The following JAML variants were observed in gnomAD, a reference collection of about 807,000 sequenced individuals.
The protein encoded by JAML is junction adhesion molecule like, also known as junctional adhesion molecule-like.
In JAML, 25 loss-of-function variants were observed where a neutral mutation model predicts 39.3. The observed-to-expected ratio is 0.64, with a 90% CI of 0.46 to 0.89. The LOEUF (loss-of-function observed/expected upper bound fraction) is 0.89. JAML is among the 40% of genes least tolerant of loss of function. The probability of loss-of-function intolerance (pLI) is 0.00; values close to 1 mark genes in which losing one functional copy is unlikely to be tolerated. For synonymous variants in JAML, 162 were observed against 179.2 expected, an observed-to-expected ratio of 0.90 and a Z score of 0.77; for missense variants, 440 against 486.9, an observed-to-expected ratio of 0.90 and a Z score of 0.91.
At chr11:118,203,157 T>A in intron 6 of JAML, 1 of 598,594 alleles carries the variant, frequency 1.7e-6, no homozygotes, top group South Asian at 1.5e-5. Flanking sequence ...TGGCAATGAG[T>A]GGGGTCTGGC....
At chr11:118,205,827 C>T in intron 5 of JAML, 55 bp downstream of exon 5, 1 of 1,516,848 alleles carries the variant, frequency 6.6e-7, no homozygotes, top group Non-Finnish European at 9.2e-7. Flanking sequence ...CTACCTTTGT[C>T]CTGATACCAT....
At chr11:118,211,724 G>A (rs1250788816) in intron 3 of JAML, among the ~76,000 whole-genome samples, 1 of 152,188 alleles carries the variant, frequency 6.6e-6, no homozygotes, top group Non-Finnish European at 1.5e-5. Context: ...TACTTGGGAT[G>A]TTTTTCACAA....
rs1433138805 is a variant in JAML at position 118,210,498 on chromosome 11, T to C, written c.413A>G (p.Glu138Gly). ...AAGCATTTGCGTACCTTTGGGCTCC[T>C]CTGGAAGCACATGCAGTACCACCGC... Reference protein sequence around the residue: ...KKAVVLHVLPEEPKELMVHVG... With the variant: ...KKAVVLHVLPGEPKELMVHVG... Residue 138 changes from glutamate to glycine, a missense_variant, in exon 4 of 10, where the codon GAG becomes GGG. Physicochemically the swap from Glu to Gly is moderately conservative, Grantham distance 98. Transcript: ENST00000356289. 6.2e-7 allele frequency: 1 copy of C among 1,613,998 alleles called. No homozygotes were observed. The highest frequency in any genetic ancestry group is 1.3e-5 in the African/African-American group (1 of 75,034).
intron 6 of JAML, 119 bp from the exon 7 acceptor site, chr11:118,200,731 C>G: frequency 8.7e-7 from 1 of 1,145,926 alleles, no homozygotes; most frequent in Non-Finnish European, 1.3e-6. Context: ...AGGCCAGACT[C>G]CACCCCATAT....
intron 1 of JAML, among the ~76,000 whole-genome samples, chr11:118,219,492 A>T (rs1412438981): frequency 6.6e-6 from 1 of 152,210 alleles, no homozygotes; most frequent in African/African-American, 2.4e-5. Flanking sequence ...AATGACTTCT[A>T]TGGGCACAAT....
intron 5 of JAML, chr11:118,203,937 T>TAA: frequency 5.0e-6 from 2 of 398,080 alleles, no homozygotes; most frequent in Non-Finnish European, 4.6e-6. Context: ...ACCTTTCCAA[T>TAA]AAAAAAAAAG....
chr11:118,195,502 C>T lies in JAML; in HGVS notation c.1093-1085G>A, dbSNP rs150459693. Among the ~76,000 whole-genome samples, 41 of 152,230 alleles carry T rather than the reference C, an allele frequency of 2.7e-4. No individual in the cohort carries two copies. The East Asian group carries it at 3.9e-3, about 14-fold the overall frequency. On this transcript the variant is annotated intron_variant, in intron 9 of 9. Coordinates refer to ENST00000356289, the MANE Select transcript of JAML (RefSeq NM_001098526.2). ...GTGCCTATAATTAGTCTACAAATAGCACCGTGCTCATCGCCAGCTCACTCC... is the reference window on the plus strand; with the variant it reads ...GTGCCTATAATTAGTCTACAAATAGTACCGTGCTCATCGCCAGCTCACTCC...
chr11:118,205,851 C>G (rs745363584), intron 5 of JAML, 31 bp downstream of exon 5: 1 of 1,588,206 alleles, frequency 6.3e-7, no homozygotes, highest in Non-Finnish European at 8.6e-7. Context: ...CCAGAGCCTT[C>G]TCTAACACAG....
intron 6 of JAML, chr11:118,202,046 G>A (rs1051810981): frequency 6.6e-6 from 1 of 152,364 alleles, no homozygotes; most frequent in Non-Finnish European, 1.5e-5. Flanking sequence ...AGAAGGCTGA[G>A]GATGGATAAT....
chr11:118,223,750 T>C (rs960874036), intron 1 of JAML, among the ~76,000 whole-genome samples: 1 of 152,130 alleles, frequency 6.6e-6, no homozygotes, highest in African/African-American at 2.4e-5. Flanking sequence ...CTCCATATCC[T>C]GTTGGGTAAT....
intron 6 of JAML, chr11:118,202,687 C>G (rs1948831587): frequency 3.4e-6 from 1 of 297,956 alleles, no homozygotes; most frequent in Non-Finnish European, 6.7e-6. Flanking sequence ...AGACAAGGTG[C>G]CTCCACAGAC....
rs1949220822 is a variant in JAML, at chr11:118,222,625, G to A, written c.-21+2316C>T. Among the ~76,000 whole-genome samples the A allele has an allele frequency of 6.6e-6, 1 of 152,088 alleles. No homozygotes were observed. The highest frequency in any genetic ancestry group is 2.1e-4 in the South Asian group (1 of 4,828). On this transcript the variant is annotated intron_variant, in intron 1 of 9. Transcript: ENST00000356289. The surrounding 1 kb of genome is among the most constrained non-coding windows in gnomAD (Gnocchi z 4.2). ...AACTTTAATCTCTTTTAGGTCACGT[G>A]ACTCTAATGATTTTTAAACATAAAG...
At chr11:118,214,205 C>T (rs755260093) in intron 2 of JAML, among the ~76,000 whole-genome samples, 3 of 152,068 alleles carry the variant, frequency 2.0e-5, no homozygotes, top group East Asian at 1.9e-4. Flanking sequence ...AGATGAGCAA[C>T]GAGAAGCTCA....
chr11:118,214,796 C>T, intron 2 of JAML, 28 bp downstream of exon 2: 1 of 1,610,750 alleles, frequency 6.2e-7, no homozygotes, highest in African/African-American at 1.3e-5. Flanking sequence ...AATCAAATAC[C>T]CCACGGAGTC....
intron 2 of JAML, among the ~76,000 whole-genome samples, chr11:118,214,156 AG>A (rs1295670735): frequency 6.6e-6 from 1 of 152,180 alleles, no homozygotes; most frequent in African/African-American, 2.4e-5. Context: ...ATAAAGAAAA[AG>A]GCATGGGGGA....
intron 1 of JAML, among the ~76,000 whole-genome samples, chr11:118,223,013 T>C (rs1417568015): frequency 6.7e-6 from 1 of 148,376 alleles, no homozygotes; most frequent in African/African-American, 2.5e-5. Context: ...GAGAATCACT[T>C]GAACTCGGGA....
intron 7 of JAML, among the ~76,000 whole-genome samples, chr11:118,199,934 G>A (rs992143480): frequency 8.6e-5 from 13 of 152,026 alleles, no homozygotes; most frequent in Admixed American, 3.3e-4. Context: ...CTGACCTCGT[G>A]ATCCGCCCGC....
At chr11:118,214,707 A>G (rs1484983035) in intron 2 of JAML, 117 bp downstream of exon 2, 3 of 1,047,688 alleles carry the variant, frequency 2.9e-6, no homozygotes, top group Non-Finnish European at 4.3e-6. Flanking sequence ...GTTCCACATT[A>G]GGGTTTCCAT....
rs1948705278 is a variant in JAML, at chr11:118,198,407, G to A, written c.912-316C>T. ...GAATGAAGAGAGAGAGGGGAGATGG[G>A]ATTCCATTTGACCATCCTGTCTACA... On this transcript the variant is annotated intron_variant, in intron 7 of 9. Coordinates refer to ENST00000356289, the MANE Select transcript of JAML (RefSeq NM_001098526.2). Among the ~76,000 whole-genome samples, 4 of 152,144 alleles carry A rather than the reference G, an allele frequency of 2.6e-5. No homozygotes were observed. The South Asian group carries it at 8.3e-4, about 32-fold the overall frequency.
Sources: allele counts gnomAD v4.1 joint callset (sites outside exome capture counted in the v4.1 genomes callset), GRCh38; gene constraint gnomAD v4.1.1; non-coding constraint Gnocchi (gnomAD v3.1); transcripts MANE v1.5; gene names NCBI Gene and HGNC (gene_info 2026-07-23, HGNC 2026-07-21).